Variants in ERBB4 observed in about 807,000 individuals in gnomAD.
The protein encoded by ERBB4 is receptor tyrosine-protein kinase erbB-4.
In ERBB4, 42 loss-of-function variants were observed where a neutral mutation model predicts 158.0. The observed-to-expected ratio is 0.27, with a 90% confidence interval of 0.21 to 0.34. The LOEUF is 0.34. ERBB4 is among the 10% of genes least tolerant of loss of function. The probability of loss-of-function intolerance (pLI) is 1.00; values close to 1 mark genes in which losing one functional copy is unlikely to be tolerated. For missense variants in ERBB4, 1,333 were observed against 1,624.1 expected (o/e 0.82, Z 3.08); for synonymous variants, 583 against 558.7 (o/e 1.04, Z -0.61).
Position 212,124,735 on chromosome 2 carries a change from G to C in ERBB4, c.234+17C>G, listed in dbSNP as rs2125570222. The C allele has an allele frequency of 1.9e-6, 3 of 1,614,022 alleles. No homozygotes were observed. The South Asian group carries it at 3.3e-5, about 18-fold the overall frequency. On this transcript the variant is annotated intron_variant, in intron 2 of 27. Coordinates refer to ENST00000342788, the MANE Select transcript of ERBB4 (RefSeq NM_005235.3). ...ACTGTCCATTCACAAAGAAGAGAAA[G>C]AAAGCCACAGCTTTACCCGCAGGAA...
intron 1 of ERBB4, among the ~76,000 whole-genome samples, chr2:212,406,766 A>G (rs1208239712): frequency 6.6e-6 from 1 of 152,110 alleles, no homozygotes; most frequent in East Asian, 1.9e-4. Flanking sequence ...CAATACTTGC[A>G]TTATGAGTCC....
intron 1 of ERBB4, among the ~76,000 whole-genome samples, chr2:212,458,296 C>T (rs1175244188): frequency 6.6e-6 from 1 of 151,032 alleles, no homozygotes; most frequent in Non-Finnish European, 1.5e-5. Flanking sequence ...GGTAGGGAAT[C>T]AGGAAAAAAA....
chr2:211,939,965 A>AT (rs1559144201), intron 3 of ERBB4, among the ~76,000 whole-genome samples: 23 of 144,882 alleles, frequency 1.6e-4, no homozygotes, highest in South Asian at 8.7e-4. Flanking sequence ...AGGAAAAAAA[A>AT]AATATATATA....
intron 1 of ERBB4, among the ~76,000 whole-genome samples, chr2:212,194,422 A>G (rs1285899549): frequency 1.3e-5 from 2 of 152,024 alleles, no homozygotes; most frequent in Non-Finnish European, 1.5e-5. Flanking sequence ...TCTATCATTT[A>G]AATGACTAGA....
intron 1 of ERBB4, among the ~76,000 whole-genome samples, chr2:212,287,864 G>A (rs1292209806): frequency 1.3e-5 from 2 of 152,014 alleles, no homozygotes; most frequent in Non-Finnish European, 2.9e-5. Flanking sequence ...GAAAACACAC[G>A]GACACATAGA....
At chr2:212,263,454 C>G (rs1346719238) in intron 1 of ERBB4, among the ~76,000 whole-genome samples, 1 of 152,082 alleles carries the variant, frequency 6.6e-6, no homozygotes, top group Non-Finnish European at 1.5e-5. Flanking sequence ...AGGGATTCCT[C>G]TTGGATTACA....
intron 3 of ERBB4, among the ~76,000 whole-genome samples, chr2:211,818,829 G>A (rs1007543466): frequency 6.6e-6 from 1 of 151,996 alleles, no homozygotes; most frequent in Admixed American, 6.6e-5. Flanking sequence ...TAGGTGGATG[G>A]GGATGTATGA....
At chr2:212,074,168 G>A (rs910211065) in intron 2 of ERBB4, among the ~76,000 whole-genome samples, 1 of 151,964 alleles carries the variant, frequency 6.6e-6, no homozygotes, top group Non-Finnish European at 1.5e-5. Flanking sequence ...GCTTTTAGCT[G>A]TAGCCAATAA....
intron 2 of ERBB4, among the ~76,000 whole-genome samples, chr2:212,086,540 C>T (rs2078618775): frequency 6.6e-6 from 1 of 151,884 alleles, no homozygotes; most frequent in African/African-American, 2.4e-5. Flanking sequence ...TTATGTCTAA[C>T]TATTTAATTT....
Position 211,377,524 on chromosome 2 carries a change from A to G in ERBB4, c.*6091T>C, listed in dbSNP as rs1022622337. 5 of 232,714 alleles carry G rather than the reference A, an allele frequency of 2.1e-5. No homozygotes were observed. The highest frequency in any genetic ancestry group is 4.3e-5 in the Non-Finnish European group (5 of 117,634). The allele number at this position is 232,714 out of a possible 1,614,324, so 14.4% of individuals were successfully genotyped here. A position where few individuals can be genotyped will look rare whatever the true frequency, so the allele number is the denominator to read the frequency against. On this transcript the variant is annotated 3_prime_UTR_variant, in exon 28 of 28. Coordinates refer to ENST00000342788, the MANE Select transcript of ERBB4 (RefSeq NM_005235.3). The stretch of plus-strand genomic sequence containing the variant: ...TTAAACAACATGGATTTTCATTAAC[A>G]TGAACTGTCCTCATTATGTATTTGT...
intron 25 of ERBB4, among the ~76,000 whole-genome samples, chr2:211,413,384 C>A (rs1437505928): frequency 7.2e-6 from 1 of 139,762 alleles, no homozygotes; most frequent in Admixed American, 7.1e-5. Flanking sequence ...CAAAAACAAA[C>A]AAAAGCCCTT....
intron 9 of ERBB4, among the ~76,000 whole-genome samples, chr2:211,710,933 T>A (rs1043294528): frequency 1.3e-5 from 2 of 151,828 alleles, no homozygotes; most frequent in Admixed American, 6.6e-5. Context: ...AACAGCATGA[T>A]AACTGACTAA....
At chr2:212,237,575 G>A (rs1252657083) in intron 1 of ERBB4, among the ~76,000 whole-genome samples, 2 of 152,150 alleles carry the variant, frequency 1.3e-5, no homozygotes, top group African/African-American at 4.8e-5. Context: ...CACTGAGGAG[G>A]CAGTCTGTCG....
At chr2:211,923,032 AT>A (rs1348209889) in intron 3 of ERBB4, among the ~76,000 whole-genome samples, 1 of 152,256 alleles carries the variant, frequency 6.6e-6, no homozygotes, top group East Asian at 1.9e-4. Context: ...TTAAAATAGA[AT>A]ATATGTCAGT....
chr2:212,247,354 T>C (rs896550605), intron 1 of ERBB4, among the ~76,000 whole-genome samples: 3 of 152,146 alleles, frequency 2.0e-5, no homozygotes, highest in African/African-American at 7.2e-5. Context: ...TGTGTTCCCT[T>C]TTCAAAAAAA....
chr2:212,394,475 T>C (rs1403341472), intron 1 of ERBB4, among the ~76,000 whole-genome samples: 2 of 152,022 alleles, frequency 1.3e-5, no homozygotes, highest in African/African-American at 4.8e-5. Flanking sequence ...TGGACCACCA[T>C]CTTGACCATT....
intron 13 of ERBB4, among the ~76,000 whole-genome samples, chr2:211,677,581 A>G (rs1437862510): frequency 6.6e-6 from 1 of 151,412 alleles, no homozygotes; most frequent in Non-Finnish European, 1.5e-5. Context: ...ATAAATTAAA[A>G]AAAAAAAAAG....
At chr2:211,387,818 G>A in intron 26 of ERBB4, 127 bp downstream of exon 26, 1 of 774,092 alleles carries the variant, frequency 1.3e-6, no homozygotes, top group Non-Finnish European at 2.4e-6. Flanking sequence ...GCTACACGAT[G>A]TACACCAAAT....
At chr2:212,176,939 ATAT>A (rs1486068338) in intron 1 of ERBB4, among the ~76,000 whole-genome samples, 2 of 151,976 alleles carry the variant, frequency 1.3e-5, no homozygotes, top group East Asian at 3.9e-4. Context: ...TGAGATAAGC[ATAT>A]TCTTAAACTA....
Sources: gnomAD v4.1 joint callset for allele counts (sites outside exome capture counted in the v4.1 genomes callset) on GRCh38, gnomAD v4.1.1 for gene constraint, MANE v1.5 for transcripts, NCBI Gene and HGNC (gene_info 2026-07-23, HGNC 2026-07-21) for gene names.